Variants in CREB5 observed in about 807,000 individuals in gnomAD.
The protein encoded by CREB5 is cyclic AMP-responsive element-binding protein 5.
CREB5 carries 19 observed loss-of-function variants against 57.1 expected under a neutral mutation model. The observed-to-expected ratio is 0.33, with a 90% CI of 0.23 to 0.49. The LOEUF (loss-of-function observed/expected upper bound fraction) is 0.49, where lower values mean the gene tolerates loss of function less well. CREB5 is among the 20% of genes least tolerant of loss of function. CREB5 has a pLI of 0.99. For missense variants in CREB5, 579 were observed against 671.6 expected (o/e 0.86, Z 1.52); for synonymous variants, 238 against 238.3 (o/e 1.00, Z 0.01).
intron 7 of CREB5, among the ~76,000 whole-genome samples, chr7:28,739,495 A>G (rs927024246): frequency 4.6e-5 from 7 of 152,230 alleles, no homozygotes; most frequent in African/African-American, 1.7e-4. Context: ...TTTTAAAAAC[A>G]TATGTATTTA....
chr7:28,550,258 C>T (rs1373844640), intron 4 of CREB5, among the ~76,000 whole-genome samples: 1 of 152,016 alleles, frequency 6.6e-6, no homozygotes, highest in Non-Finnish European at 1.5e-5. Flanking sequence ...TTAACGTTTT[C>T]ATAGTTTCCC....
chr7:28,651,847 C>T (rs887972335), intron 5 of CREB5, among the ~76,000 whole-genome samples: 2 of 152,140 alleles, frequency 1.3e-5, no homozygotes, highest in African/African-American at 4.8e-5. Flanking sequence ...TTCAAGCTTT[C>T]GTAAACTCAT....
chr7:28,459,052 C>G (rs177580), intron 1 of CREB5, among the ~76,000 whole-genome samples: 1 of 151,912 alleles, frequency 6.6e-6, no homozygotes, highest in Non-Finnish European at 1.5e-5. Context: ...CCTGCCAAGA[C>G]GAACTGTAGC....
At chr7:28,507,804 G>A in intron 4 of CREB5, 67 bp downstream of exon 4, 2 of 1,513,518 alleles carry the variant, frequency 1.3e-6, no homozygotes, top group South Asian at 1.3e-5. Flanking sequence ...AAACTAGGTG[G>A]CACTGCACTG....
intron 2 of CREB5, among the ~76,000 whole-genome samples, chr7:28,493,071 G>A (rs1210494811): frequency 1.3e-5 from 2 of 152,180 alleles, no homozygotes; most frequent in Non-Finnish European, 2.9e-5. Context: ...TTTATTCAGA[G>A]AGCTACTTTT....
chr7:28,692,710 A>C (rs1801337023), intron 5 of CREB5, among the ~76,000 whole-genome samples: 1 of 152,152 alleles, frequency 6.6e-6, no homozygotes, highest in East Asian at 1.9e-4. Flanking sequence ...CAGAGGTTGC[A>C]GTGAGCCGAG....
At chr7:28,560,887 C>CGCGTGCGT (rs1554344396) in intron 4 of CREB5, among the ~76,000 whole-genome samples, 1 of 13,120 alleles carries the variant, frequency 7.6e-5, no homozygotes, top group Non-Finnish European at 1.3e-4. Flanking sequence ...TGCGTGCGTG[C>CGCGTGCGT]GTGTGTGTGC....
intron 1 of CREB5, among the ~76,000 whole-genome samples, chr7:28,379,573 G>C (rs1480953068): frequency 6.6e-6 from 1 of 152,226 alleles, no homozygotes; most frequent in Non-Finnish European, 1.5e-5. Flanking sequence ...CACAGATCCA[G>C]GGCCAGTGGT....
Position 28,589,565 on chromosome 7 carries a change from C to G in CREB5, c.464+19028C>G, listed in dbSNP as rs370810830. On this transcript the variant is annotated intron_variant, in intron 5 of 10. Coordinates refer to ENST00000357727, the MANE Select transcript of CREB5 (RefSeq NM_182898.4). The stretch of plus-strand genomic sequence containing the variant: ...CGACACTCTGTCTCAAAAACAAAAA[C>G]AAAAAGAAAAAGAAAACAGAGTTGA... 1.7e-4 allele frequency among the ~76,000 whole-genome samples: 26 copies of G among 152,102 alleles called. No individual in the cohort carries two copies. In the South Asian group the frequency reaches 2.7e-3, roughly 16 times the overall value.
chr7:28,564,043 C>T (rs1392964325), intron 4 of CREB5, among the ~76,000 whole-genome samples: 2 of 150,934 alleles, frequency 1.3e-5, no homozygotes, highest in African/African-American at 4.9e-5. Flanking sequence ...TTTTCTATAC[C>T]TCCAGAAAGC....
intron 1 of CREB5, among the ~76,000 whole-genome samples, chr7:28,301,656 A>G (rs1785099709): frequency 6.6e-6 from 1 of 152,226 alleles, no homozygotes; most frequent in Non-Finnish European, 1.5e-5. Context: ...TCATCTCTGG[A>G]AGACACAGCC....
chr7:28,815,446 C>T (rs1212855658), intron 9 of CREB5, among the ~76,000 whole-genome samples: 4 of 152,124 alleles, frequency 2.6e-5, no homozygotes, highest in African/African-American at 9.7e-5. Flanking sequence ...TTTTGCTGTT[C>T]ATAGACTAAA....
intron 1 of CREB5, among the ~76,000 whole-genome samples, chr7:28,436,439 G>A (rs1381480940): frequency 6.6e-6 from 1 of 152,082 alleles, no homozygotes. Flanking sequence ...CACAGAACGG[G>A]GCCCTCTTAC....
At chr7:28,641,661 T>A (rs146834929) in intron 5 of CREB5, among the ~76,000 whole-genome samples, 1 of 152,290 alleles carries the variant, frequency 6.6e-6, no homozygotes, top group East Asian at 1.9e-4. Context: ...TCTAGCTACA[T>A]CATTTTCTCT....
intron 5 of CREB5, among the ~76,000 whole-genome samples, chr7:28,577,920 T>C (rs1265109172): frequency 6.6e-6 from 1 of 152,216 alleles, no homozygotes; most frequent in Non-Finnish European, 1.5e-5. Context: ...CTCACTCTGC[T>C]AACAGTGGCT....
intron 5 of CREB5, among the ~76,000 whole-genome samples, chr7:28,594,218 G>A (rs1023733636): frequency 2.6e-5 from 4 of 152,198 alleles, no homozygotes; most frequent in African/African-American, 9.7e-5. Flanking sequence ...TGTAAAAAGG[G>A]AAAGCTTATC....
chr7:28,758,070 A>C (rs908283298), intron 7 of CREB5, among the ~76,000 whole-genome samples: 2 of 152,168 alleles, frequency 1.3e-5, no homozygotes, highest in Non-Finnish European at 2.9e-5. Context: ...ACACAGTAAG[A>C]GTGGTGGTAG....
chr7:28,451,293 A>T (rs1258546711), intron 1 of CREB5, among the ~76,000 whole-genome samples: 2 of 152,174 alleles, frequency 1.3e-5, no homozygotes, highest in Non-Finnish European at 2.9e-5. Flanking sequence ...GGCATCTAAG[A>T]TTCCTCAGAT....
At chr7:28,765,119 T>C (rs965406135) in intron 7 of CREB5, among the ~76,000 whole-genome samples, 1 of 152,242 alleles carries the variant, frequency 6.6e-6, no homozygotes, top group African/African-American at 2.4e-5. Context: ...TTACAAAATA[T>C]CTAAAAGGGT....
Sources: gnomAD v4.1 joint callset for allele counts (sites outside exome capture counted in the v4.1 genomes callset) on GRCh38, gnomAD v4.1.1 for gene constraint, MANE v1.5 for transcripts, NCBI Gene and HGNC (gene_info 2026-07-23, HGNC 2026-07-21) for gene names.